The following AFF3 variants were observed in gnomAD, a reference collection of about 807,000 sequenced individuals.
AFF3 encodes AF4/FMR2 family member 3.
In AFF3, 32 loss-of-function variants were observed where a neutral mutation model predicts 129.7. The ratio of observed to expected loss-of-function variants is 0.25; its 90% CI spans 0.19 to 0.33. The LOEUF is 0.33. Among genes scored for constraint, AFF3 ranks in the 10% least tolerant of loss-of-function variants. The pLI is 1.00. For missense variants in AFF3, 1,373 were observed against 1,592.0 expected (o/e 0.86, Z 2.34); for synonymous variants, 644 against 635.4 (o/e 1.01, Z -0.20).
intron 21 of AFF3, among the ~76,000 whole-genome samples, chr2:99,559,270 C>G (rs1021617406): frequency 6.6e-6 from 1 of 152,258 alleles, no homozygotes; most frequent in Non-Finnish European, 1.5e-5. Flanking sequence ...CGAGAGGGCG[C>G]TGTCTCTCCA....
intron 5 of AFF3, chr2:100,007,837 T>G (rs1682117731): frequency 4.7e-6 from 1 of 210,894 alleles, no homozygotes; most frequent in Non-Finnish European, 9.6e-6. Flanking sequence ...TAGTGGGGTG[T>G]GGTGTCGGGC....
intron 14 of AFF3, among the ~76,000 whole-genome samples, chr2:99,596,128 A>G (rs577565736): frequency 2.0e-5 from 3 of 152,362 alleles, no homozygotes; most frequent in African/African-American, 7.2e-5. Context: ...CATGGCCACC[A>G]ACGGAACCGG....
chr2:99,885,240 G>C (rs11682684), intron 7 of AFF3, among the ~76,000 whole-genome samples: 52,203 of 151,992 alleles, frequency 0.34, 9,810 homozygotes, highest in East Asian at 0.52. Flanking sequence ...CTTTCAAAAT[G>C]TGATTCAAAT....
At chr2:99,942,563 G>T (rs895723121) in intron 7 of AFF3, among the ~76,000 whole-genome samples, 1 of 150,850 alleles carries the variant, frequency 6.6e-6, no homozygotes, top group Non-Finnish European at 1.5e-5. Context: ...GGGGGTCGCG[G>T]CACAGGGAAT....
chr2:99,816,464 T>A (rs150362550), intron 8 of AFF3, among the ~76,000 whole-genome samples: 3 of 152,294 alleles, frequency 2.0e-5, no homozygotes, highest in African/African-American at 4.8e-5. Flanking sequence ...GGTAAGCACA[T>A]TGCATGCTTG....
Position 100,007,150 on chromosome 2 carries a change from G to T in AFF3, c.485C>A (p.Ala162Glu). The T allele has an allele frequency of 6.2e-7, 1 of 1,613,948 alleles. No individual in the cohort carries two copies. Among genetic ancestry groups the T allele is most frequent in the African/African-American group, 1.3e-5 (1 of 75,020 alleles). Residue 162 changes from alanine (A) to glutamate (E), a missense_variant and splice_region_variant, in exon 6 of 25, where the codon GCA (alanine) becomes GAA (glutamate). Transcript: ENST00000672756. ...AAGCAACCTGTGCCTGTGCTTACTT[G>T]CTCTCTGTTGGCCGTCAGAGGGTGG... is the stretch of plus-strand genomic sequence containing the variant. ...GHPPSDGQQR[A>E]TQQGSLRTLL...
chr2:99,694,081 C>T (rs1051613662), intron 11 of AFF3, among the ~76,000 whole-genome samples: 62 of 152,228 alleles, frequency 4.1e-4, no homozygotes, highest in African/African-American at 1.5e-3. Flanking sequence ...CCACACTCGG[C>T]TAATTTTTGT....
chr2:100,141,873 C>T (rs1413303608), intron 1 of AFF3, among the ~76,000 whole-genome samples: 1 of 152,118 alleles, frequency 6.6e-6, no homozygotes, highest in Non-Finnish European at 1.5e-5. Context: ...CACAGACACA[C>T]ACACACAAAT....
In AFF3 at chr2:99,804,363, A is replaced by C. The variant is rs542452559; in HGVS notation, c.921+33114T>G. Among the ~76,000 whole-genome samples the C allele has an allele frequency of 4.6e-5, 7 of 152,382 alleles. No homozygotes were observed. In the East Asian group the frequency reaches 1.3e-3, roughly 29 times the overall value. On this transcript the variant is annotated intron_variant, in intron 8 of 24. Coordinates refer to ENST00000672756, the MANE Select transcript of AFF3 (RefSeq NM_001386135.1). ...TTCAACATCAGTAATCATCAGGGAAATGCAAATTACAACCACAATAGATAC... is the reference window on the plus strand; with the variant it reads ...TTCAACATCAGTAATCATCAGGGAACTGCAAATTACAACCACAATAGATAC...
chr2:99,720,534 C>A (rs80145234), intron 11 of AFF3, among the ~76,000 whole-genome samples: 1 of 152,080 alleles, frequency 6.6e-6, no homozygotes, highest in East Asian at 1.9e-4. Context: ...CCTGCAGAAC[C>A]GCGAGCTAAG....
intron 8 of AFF3, among the ~76,000 whole-genome samples, chr2:99,820,629 C>G (rs959684479): frequency 6.7e-6 from 1 of 150,262 alleles, no homozygotes; most frequent in African/African-American, 2.4e-5. Context: ...ACTTTATGAA[C>G]TTTTAAAGTT....
intron 8 of AFF3, among the ~76,000 whole-genome samples, chr2:99,800,487 T>G (rs763338559): frequency 9.2e-5 from 14 of 152,334 alleles, no homozygotes; most frequent in Admixed American, 3.3e-4. Context: ...ATAAGCACTT[T>G]GGAGAACAGT....
intron 7 of AFF3, among the ~76,000 whole-genome samples, chr2:99,954,434 C>T (rs1005701996): frequency 7.9e-5 from 12 of 152,166 alleles, no homozygotes; most frequent in Non-Finnish European, 1.6e-4. Context: ...CAAAGGACTA[C>T]AAATCATGCT....
intron 16 of AFF3, among the ~76,000 whole-genome samples, chr2:99,584,878 G>A (rs1483549092): frequency 6.6e-6 from 1 of 152,184 alleles, no homozygotes; most frequent in Non-Finnish European, 1.5e-5. Context: ...ACTTCGAAAA[G>A]CAATTTCCTT....
intron 7 of AFF3, among the ~76,000 whole-genome samples, chr2:99,997,011 G>T (rs1054100471): frequency 2.6e-5 from 4 of 151,924 alleles, no homozygotes; most frequent in African/African-American, 9.7e-5. Flanking sequence ...TTTTCTGCTG[G>T]TTCCTTCTCA....
intron 10 of AFF3, among the ~76,000 whole-genome samples, chr2:99,737,657 C>G (rs1265222206): frequency 6.8e-6 from 1 of 147,018 alleles, no homozygotes; most frequent in Admixed American, 6.8e-5. Flanking sequence ...TTTCATTTAT[C>G]CTTGGTATTC....
intron 19 of AFF3, among the ~76,000 whole-genome samples, chr2:99,567,028 C>T (rs1057189899): frequency 2.7e-5 from 4 of 150,120 alleles, no homozygotes; most frequent in African/African-American, 9.9e-5. Flanking sequence ...AGTGCAGTGG[C>T]ATGATCTTGG....
At chr2:99,741,823 T>A (rs1342295442) in intron 10 of AFF3, among the ~76,000 whole-genome samples, 8 of 152,036 alleles carry the variant, frequency 5.3e-5, no homozygotes, top group Non-Finnish European at 7.4e-5. Context: ...CAAACTATAC[T>A]ACAAGGCTAC....
At chr2:99,669,191 T>G (rs914204875) in intron 12 of AFF3, among the ~76,000 whole-genome samples, 4 of 152,124 alleles carry the variant, frequency 2.6e-5, no homozygotes, top group Non-Finnish European at 5.9e-5. Flanking sequence ...ACAAAAATGT[T>G]CCCATGTGCT....
Sources: gnomAD v4.1 joint callset for allele counts (sites outside exome capture counted in the v4.1 genomes callset) on GRCh38, gnomAD v4.1.1 for gene constraint, MANE v1.5 for transcripts, NCBI Gene and HGNC (gene_info 2026-07-23, HGNC 2026-07-21) for gene names.